Variants in ADGRB3 observed in about 807,000 individuals in gnomAD.
The protein encoded by ADGRB3 is adhesion G protein-coupled receptor B3, also known as brain-specific angiogenesis inhibitor 3.
A neutral mutation model predicts 193.4 loss-of-function variants in ADGRB3; 37 were observed. The ratio of observed to expected loss-of-function variants is 0.19; its 90% CI spans 0.15 to 0.25. The LOEUF is 0.25. Ranked by LOEUF, ADGRB3 falls within the 10% of genes least tolerant of loss-of-function variation. The probability of loss-of-function intolerance (pLI) is 1.00; values close to 1 mark genes in which losing one functional copy is unlikely to be tolerated. For synonymous variants in ADGRB3, 690 were observed against 644.2 expected (o/e 1.07, Z -1.08); for missense variants, 1,637 against 1,852.9 (o/e 0.88, Z 2.14).
intron 6 of ADGRB3, among the ~76,000 whole-genome samples, chr6:68,952,196 A>G (rs1767946188): frequency 6.6e-6 from 1 of 152,118 alleles, no homozygotes; most frequent in African/African-American, 2.4e-5. Flanking sequence ...GTGTTTCTAG[A>G]AGTGTTATGG....
chr6:68,997,857 A>G (rs892207856), intron 11 of ADGRB3, among the ~76,000 whole-genome samples: 2 of 152,040 alleles, frequency 1.3e-5, no homozygotes, highest in African/African-American at 4.8e-5. Context: ...GGGTTTCTAA[A>G]TACCACTAAG....
intron 13 of ADGRB3, among the ~76,000 whole-genome samples, chr6:69,019,443 T>A (rs968596250): frequency 6.6e-6 from 1 of 151,778 alleles, no homozygotes; most frequent in Non-Finnish European, 1.5e-5. Flanking sequence ...AGAACATAAT[T>A]TTTTTTTATG....
intron 11 of ADGRB3, among the ~76,000 whole-genome samples, chr6:68,995,485 A>G (rs1462174022): frequency 6.6e-6 from 1 of 152,222 alleles, no homozygotes; most frequent in Non-Finnish European, 1.5e-5. Flanking sequence ...TGAGCTACTT[A>G]TTTGTGTGCA....
chr6:68,803,141 T>A (rs544433960), intron 3 of ADGRB3, among the ~76,000 whole-genome samples: 1 of 152,320 alleles, frequency 6.6e-6, no homozygotes, highest in South Asian at 2.1e-4. Flanking sequence ...TTTATTTATC[T>A]TACTGGATTG....
At chr6:69,148,879 G>C (rs911658162) in intron 17 of ADGRB3, among the ~76,000 whole-genome samples, 2 of 152,050 alleles carry the variant, frequency 1.3e-5, no homozygotes, top group African/African-American at 4.8e-5. Flanking sequence ...GGAATGTAAG[G>C]TTTCATTGAA....
intron 3 of ADGRB3, among the ~76,000 whole-genome samples, chr6:68,761,542 G>C (rs1012840611): frequency 1.3e-5 from 2 of 151,478 alleles, no homozygotes; most frequent in East Asian, 3.9e-4. Context: ...GTGCTTGCTT[G>C]GTTGACTTCA....
intron 17 of ADGRB3, among the ~76,000 whole-genome samples, chr6:69,080,123 T>C (rs1181435652): frequency 1.3e-5 from 2 of 152,066 alleles, no homozygotes; most frequent in Non-Finnish European, 2.9e-5. Flanking sequence ...CCTTTGTCAT[T>C]CATCCTGGAA....
At chr6:68,750,604 C>A (rs1766179235) in intron 3 of ADGRB3, among the ~76,000 whole-genome samples, 1 of 151,930 alleles carries the variant, frequency 6.6e-6, no homozygotes, top group South Asian at 2.1e-4. Flanking sequence ...TCTTTTTCTG[C>A]CATTTGCTAA....
intron 13 of ADGRB3, among the ~76,000 whole-genome samples, chr6:69,031,278 A>G (rs1770674312): frequency 6.6e-6 from 1 of 151,324 alleles, no homozygotes; most frequent in South Asian, 2.1e-4. Context: ...GTCTCTACTA[A>G]AAATACAAAA....
intron 17 of ADGRB3, among the ~76,000 whole-genome samples, chr6:69,188,259 CT>C (rs892734281): frequency 1.3e-5 from 2 of 151,724 alleles, no homozygotes; most frequent in African/African-American, 4.8e-5. Context: ...CCTTTTTTTT[CT>C]GGGAGTTATT....
intron 20 of ADGRB3, among the ~76,000 whole-genome samples, chr6:69,320,825 A>ATGTGTGTGGGTGTGTG (rs1768437911): frequency 6.8e-6 from 1 of 146,262 alleles, no homozygotes; most frequent in African/African-American, 2.5e-5. Flanking sequence ...GCATGTGTGT[A>ATGTGTGTGGGTGTGTG]TGTGTGTGTG....
chr6:68,982,572 A>G (rs1335205292), intron 10 of ADGRB3, among the ~76,000 whole-genome samples: 1 of 152,086 alleles, frequency 6.6e-6, no homozygotes, highest in East Asian at 1.9e-4. Context: ...TTCAAAATCT[A>G]TCAACTGTCT....
intron 26 of ADGRB3, among the ~76,000 whole-genome samples, chr6:69,343,765 TC>T (rs1283061265): frequency 3.9e-5 from 6 of 152,280 alleles, no homozygotes; most frequent in Admixed American, 3.9e-4. Flanking sequence ...GCCATCTGAT[TC>T]ATCACAATAC....
rs570211660 is a variant in ADGRB3 at position 68,687,268 on chromosome 6, C to T, written c.757+47836C>T. ...AGAAAGACATTTAAATTTCATATCACGTATTTTTCTTTTGAAAGTTTTATA... is the reference window on the plus strand; with the variant it reads ...AGAAAGACATTTAAATTTCATATCATGTATTTTTCTTTTGAAAGTTTTATA... On this transcript the variant is annotated intron_variant, in intron 3 of 31. Transcript: ENST00000370598. Among the ~76,000 whole-genome samples the T allele has an allele frequency of 5.3e-5, 8 of 152,002 alleles. No individual in the cohort carries two copies. In the South Asian group the frequency reaches 8.3e-4, roughly 16 times the overall value.
At chr6:68,814,037 A>G (rs956049353) in intron 3 of ADGRB3, among the ~76,000 whole-genome samples, 2 of 152,168 alleles carry the variant, frequency 1.3e-5, no homozygotes, top group African/African-American at 4.8e-5. Context: ...GTGTCTTTAT[A>G]GCAGCATGAT....
chr6:68,912,347 A>ATT (rs1766739241), intron 3 of ADGRB3, among the ~76,000 whole-genome samples: 4 of 150,292 alleles, frequency 2.7e-5, no homozygotes, highest in African/African-American at 9.8e-5. Flanking sequence ...TTCTTTTTTT[A>ATT]TTATTTTATT....
At chr6:68,663,610 T>G (rs1768725475) in intron 3 of ADGRB3, among the ~76,000 whole-genome samples, 1 of 151,798 alleles carries the variant, frequency 6.6e-6, no homozygotes, top group Non-Finnish European at 1.5e-5. Context: ...ATATTTTGCT[T>G]TAAAGAATCG....
At chr6:68,649,971 C>A (rs1448995321) in intron 3 of ADGRB3, among the ~76,000 whole-genome samples, 1 of 152,156 alleles carries the variant, frequency 6.6e-6, no homozygotes, top group African/African-American at 2.4e-5. Flanking sequence ...ACTGAACTAT[C>A]TTTCCTTGCT....
At chr6:69,374,331 G>A (rs1031599562) in intron 30 of ADGRB3, among the ~76,000 whole-genome samples, 3 of 152,038 alleles carry the variant, frequency 2.0e-5, no homozygotes, top group African/African-American at 7.2e-5. Flanking sequence ...TTTGTGGGTG[G>A]TTCTTGAGGG....
Sources: allele counts gnomAD v4.1 joint callset (sites outside exome capture counted in the v4.1 genomes callset), GRCh38; gene constraint gnomAD v4.1.1; transcripts MANE v1.5; gene names NCBI Gene and HGNC (gene_info 2026-07-23, HGNC 2026-07-21).